Variants in ELOVL7 observed in about 807,000 individuals in gnomAD.
ELOVL7 encodes the protein ELOVL fatty acid elongase 7, also known as very long chain fatty acid elongase 7.
Under a neutral mutation model 35.7 loss-of-function variants are expected in ELOVL7, and 27 were observed. That is an observed-to-expected ratio of 0.76 (90% CI 0.56 to 1.04). The LOEUF (loss-of-function observed/expected upper bound fraction) is 1.04. Ranked by LOEUF, ELOVL7 falls within the 50% of genes least tolerant of loss-of-function variation. The pLI, the probability that ELOVL7 is intolerant of heterozygous loss-of-function variation, is 0.00. For synonymous variants in ELOVL7, 113 were observed against 114.6 expected (o/e 0.99, Z 0.09); for missense variants, 327 against 340.8 (o/e 0.96, Z 0.32).
At chr5:60,831,067 T>C (rs1243272101) in intron 1 of ELOVL7, among the ~76,000 whole-genome samples, 1 of 152,318 alleles carries the variant, frequency 6.6e-6, no homozygotes, top group South Asian at 2.1e-4. Context: ...CTAATGTTTA[T>C]TACATAAATG....
intron 5 of ELOVL7, among the ~76,000 whole-genome samples, chr5:60,767,552 T>C (rs531965784): frequency 6.6e-6 from 1 of 152,374 alleles, no homozygotes; most frequent in South Asian, 2.1e-4. Context: ...CTGGATCTTA[T>C]GGTAATTCTA....
intron 2 of ELOVL7, among the ~76,000 whole-genome samples, chr5:60,793,068 G>T (rs1197577647): frequency 6.6e-6 from 1 of 152,184 alleles, no homozygotes; most frequent in Non-Finnish European, 1.5e-5. Flanking sequence ...GAGCTATTAT[G>T]AGAAGACTGA....
chr5:60,817,918 A>G (rs1283347510), intron 1 of ELOVL7, among the ~76,000 whole-genome samples: 2 of 151,104 alleles, frequency 1.3e-5, no homozygotes, highest in African/African-American at 4.9e-5. Context: ...GCAATCTTTT[A>G]ATAGCAAAAG....
At chr5:60,754,911 T>C in intron 8 of ELOVL7, 78 bp from the exon 9 acceptor site, 1 of 1,243,244 alleles carries the variant, frequency 8.0e-7, no homozygotes, top group Non-Finnish European at 1.1e-6. Flanking sequence ...GTTTATGCAC[T>C]CCCAAAGTGC....
chr5:60,782,072 A>G (rs1743288732), intron 3 of ELOVL7, among the ~76,000 whole-genome samples: 1 of 152,160 alleles, frequency 6.6e-6, no homozygotes, highest in African/African-American at 2.4e-5. Flanking sequence ...CTATGCATCC[A>G]TTTTTTTAAA....
At chr5:60,783,626 C>G (rs1743392154) in intron 3 of ELOVL7, among the ~76,000 whole-genome samples, 1 of 152,172 alleles carries the variant, frequency 6.6e-6, no homozygotes, top group South Asian at 2.1e-4. Flanking sequence ...AGCTCTATTT[C>G]AAAACACTGC....
At chr5:60,757,780 A>G in intron 7 of ELOVL7, 135 bp from the exon 8 acceptor site, 5 of 695,670 alleles carry the variant, frequency 7.2e-6, no homozygotes, top group Non-Finnish European at 1.1e-5. Flanking sequence ...CCTGTTAAAC[A>G]ACTATCAAAT....
intron 1 of ELOVL7, among the ~76,000 whole-genome samples, chr5:60,833,934 T>C (rs948198667): frequency 6.6e-6 from 1 of 152,208 alleles, no homozygotes; most frequent in African/African-American, 2.4e-5. Context: ...AACCTACTAA[T>C]ACTTCAGAAA....
At chr5:60,760,762 C>T (rs6449494) in intron 7 of ELOVL7, among the ~76,000 whole-genome samples, 67,017 of 151,886 alleles carry the variant, frequency 0.44, 17,718 homozygotes, top group African/African-American at 0.75. Flanking sequence ...CTAGGGTTTT[C>T]ATGGTTTTAG....
At chr5:60,798,640 T>C (rs1744409110) in intron 2 of ELOVL7, among the ~76,000 whole-genome samples, 1 of 152,054 alleles carries the variant, frequency 6.6e-6, no homozygotes, top group Non-Finnish European at 1.5e-5. Context: ...GATAAAGGGG[T>C]CAATTCATCA....
chr5:60,763,900 G>A (rs919103410), intron 7 of ELOVL7, among the ~76,000 whole-genome samples: 75 of 152,056 alleles, frequency 4.9e-4, no homozygotes, highest in African/African-American at 1.8e-3. Context: ...TAAAGCCAAA[G>A]TTTTTACCAT....
At chr5:60,779,922 T>C (rs540405923) in intron 3 of ELOVL7, among the ~76,000 whole-genome samples, 1 of 152,228 alleles carries the variant, frequency 6.6e-6, no homozygotes, top group Admixed American at 6.5e-5. Context: ...AAGTTAAAAG[T>C]TTCACAGATC....
rs180715921 is a variant in ELOVL7 at position 60,824,001 on chromosome 5, G to A, written c.-86+20159C>T. ...TTCCACCACACTGTTCAGCTACCTG[G>A]GTATCCCTGCAGAGGATTACTGTAG... On this transcript the variant is annotated intron_variant, in intron 1 of 8. Transcript: ENST00000508821. Among the ~76,000 whole-genome samples, 119 of 152,250 alleles carry A rather than the reference G, an allele frequency of 7.8e-4. 1 individual carries two copies. Among genetic ancestry groups the A allele is most frequent in the Non-Finnish European group, 1.2e-4 (8 of 68,022 alleles).
At chr5:60,803,561 A>G (rs1055149234) in intron 1 of ELOVL7, among the ~76,000 whole-genome samples, 1 of 152,174 alleles carries the variant, frequency 6.6e-6, no homozygotes, top group Admixed American at 6.5e-5. Context: ...TGAATTACAT[A>G]CCTGCTATTT....
chr5:60,808,473 A>C (rs1745071029), intron 1 of ELOVL7, among the ~76,000 whole-genome samples: 1 of 152,198 alleles, frequency 6.6e-6, no homozygotes, highest in South Asian at 2.1e-4. Flanking sequence ...AAAGAAATCA[A>C]AGAAAACCTA....
At chr5:60,835,814 T>A (rs1037280392) in intron 1 of ELOVL7, among the ~76,000 whole-genome samples, 1 of 152,046 alleles carries the variant, frequency 6.6e-6, no homozygotes, top group Non-Finnish European at 1.5e-5. Flanking sequence ...ATATTCTTTT[T>A]TTGCACTTAC....
intron 5 of ELOVL7, among the ~76,000 whole-genome samples, chr5:60,767,439 C>T (rs960376723): frequency 6.6e-6 from 1 of 152,164 alleles, no homozygotes; most frequent in Admixed American, 6.5e-5. Context: ...TTGCTTCTAC[C>T]TTTTGGCTGT....
At chr5:60,788,945 T>C (rs529903626) in intron 2 of ELOVL7, among the ~76,000 whole-genome samples, 4 of 152,226 alleles carry the variant, frequency 2.6e-5, no homozygotes, top group African/African-American at 9.6e-5. Context: ...GGGCACTGAA[T>C]TACCAGACAT....
intron 1 of ELOVL7, among the ~76,000 whole-genome samples, chr5:60,841,023 C>CTTT (rs59046428): frequency 8.0e-6 from 1 of 125,362 alleles, no homozygotes; most frequent in African/African-American, 3.1e-5. Context: ...AATTACTTTC[C>CTTT]TTTTTTTTTT....
Sources: gnomAD v4.1 joint callset for allele counts (sites outside exome capture counted in the v4.1 genomes callset) on GRCh38, gnomAD v4.1.1 for gene constraint, MANE v1.5 for transcripts, NCBI Gene and HGNC (gene_info 2026-07-23, HGNC 2026-07-21) for gene names.